ARID5B: variants seen among roughly 807,000 people sequenced by gnomAD.
ARID5B encodes the protein AT-rich interaction domain 5B.
A neutral mutation model predicts 97.2 loss-of-function variants in ARID5B; 13 were observed. The ratio of observed to expected loss-of-function variants is 0.13; its 90% confidence interval spans 0.09 to 0.21. The LOEUF is 0.21. ARID5B is among the 10% of genes least tolerant of loss of function. ARID5B has a pLI of 1.00. For missense variants in ARID5B, 1,210 were observed against 1,465.3 expected, an observed-to-expected ratio of 0.83 and a Z score of 2.84; for synonymous variants, 556 against 570.3, an observed-to-expected ratio of 0.97 and a Z score of 0.36.
chr10:61,934,668 C>T (rs1844266511), intron 2 of ARID5B, among the ~76,000 whole-genome samples: 1 of 152,062 alleles, frequency 6.6e-6, no homozygotes, highest in Admixed American at 6.6e-5. Context: ...AGTTTGCCAC[C>T]TTATATCTGC....
chr10:61,919,368 C>T (rs1474459753), intron 2 of ARID5B, among the ~76,000 whole-genome samples: 4 of 152,158 alleles, frequency 2.6e-5, no homozygotes, highest in Admixed American at 6.5e-5. Flanking sequence ...TCCACCCCAC[C>T]GTCTTCCTCA....
chr10:61,955,780 A>G (rs1162621751), intron 3 of ARID5B, among the ~76,000 whole-genome samples: 1 of 152,012 alleles, frequency 6.6e-6, no homozygotes, highest in African/African-American at 2.4e-5. Flanking sequence ...CCTCTTGAGT[A>G]GCTGGGATTA....
intron 4 of ARID5B, among the ~76,000 whole-genome samples, chr10:62,005,764 GA>G (rs1839137710): frequency 6.6e-6 from 1 of 152,216 alleles, no homozygotes; most frequent in African/African-American, 2.4e-5. Flanking sequence ...GGATGAGCTG[GA>G]CTCTGCCTCT....
At position 62,091,906 on chromosome 10, in the gene ARID5B, G is replaced by C; in HGVS notation, c.2443G>C (p.Glu815Gln). 2 of 1,614,070 alleles carry C rather than the reference G, an allele frequency of 1.2e-6. No individual in the cohort carries two copies. The highest frequency in any genetic ancestry group is 1.7e-6 in the Non-Finnish European group (2 of 1,180,006). The part of the protein sequence containing the change: ...EIQEGKDKLL[E>Q]KRALPHSHMP... Reference sequence around the variant, plus strand: ...TCAGGAGGGCAAGGATAAACTCTTAGAGAAAAGGGCCCTCCCCCATTCCCA... The same window carrying C: ...TCAGGAGGGCAAGGATAAACTCTTACAGAAAAGGGCCCTCCCCCATTCCCA... The change falls in exon 10 of 10, where the codon GAG (glutamate) becomes CAG (glutamine). Residue 815 changes from glutamate to glutamine, a missense_variant. Physicochemically the swap from Glu to Gln is conservative, Grantham distance 29. Around this residue, in one of 8 missense-constraint regions of ARID5B, gnomAD observed 800 missense variants for 839.1 expected, o/e 0.95. Coordinates refer to ENST00000279873, the MANE Select transcript of ARID5B (RefSeq NM_032199.3).
At chr10:61,935,875 G>A (rs367924304) in intron 2 of ARID5B, among the ~76,000 whole-genome samples, 79 of 152,258 alleles carry the variant, frequency 5.2e-4, no homozygotes, top group Middle Eastern at 3.4e-3. Flanking sequence ...TTACTGTCTA[G>A]CTTTATATAG....
At chr10:62,070,369 C>T (rs1340291746) in intron 8 of ARID5B, among the ~76,000 whole-genome samples, 5 of 152,142 alleles carry the variant, frequency 3.3e-5, no homozygotes, top group African/African-American at 1.2e-4. Context: ...CAAAATTAGC[C>T]TACTATGTTG....
intron 2 of ARID5B, among the ~76,000 whole-genome samples, chr10:61,938,970 T>C (rs957874131): frequency 6.8e-6 from 1 of 146,092 alleles, no homozygotes; most frequent in Non-Finnish European, 1.5e-5. Flanking sequence ...GAGAAGTGTG[T>C]GTGTGTGTGT....
At position 61,954,061 on chromosome 10, in the gene ARID5B, A is replaced by T. The variant is rs192390221; in HGVS notation, c.502+13653A>T. On this transcript the variant is annotated intron_variant, in intron 3 of 9. Transcript: ENST00000279873. ...TTTTGAAGTTTTTAATGTGATTTTT[A>T]AAAAATATAAATTTCAGCCGGGCAC... is the stretch of plus-strand genomic sequence containing the variant. Among the ~76,000 whole-genome samples the T allele has an allele frequency of 3.4e-3, 520 of 152,242 alleles. 1 individual carries two copies. Among genetic ancestry groups the T allele is most frequent in the South Asian group, 0.01 (50 of 4,828 alleles).
intron 4 of ARID5B, among the ~76,000 whole-genome samples, chr10:62,045,643 G>T (rs1839698109): frequency 6.6e-6 from 1 of 151,940 alleles, no homozygotes; most frequent in East Asian, 1.9e-4. Flanking sequence ...TAGAGACAGG[G>T]TTTCACTATG....
At chr10:62,024,599 A>T (rs946718263) in intron 4 of ARID5B, 7 of 386,628 alleles carry the variant, frequency 1.8e-5, no homozygotes, top group African/African-American at 1.4e-4. Flanking sequence ...CTTTGAACAG[A>T]TAAGAAGCTA....
chr10:61,993,376 A>G (rs1325375194), intron 3 of ARID5B, among the ~76,000 whole-genome samples: 1 of 152,204 alleles, frequency 6.6e-6, no homozygotes, highest in East Asian at 1.9e-4. Context: ...AATTCAAGCT[A>G]TTTAGTCATA....
At chr10:62,024,064 C>CAG (rs1839388961) in intron 4 of ARID5B, among the ~76,000 whole-genome samples, 1 of 152,208 alleles carries the variant, frequency 6.6e-6, no homozygotes, top group Admixed American at 6.5e-5. Context: ...CCTCTCAGCA[C>CAG]AGAGTGCCTT....
chr10:61,919,168 G>C (rs1843965639), intron 2 of ARID5B, among the ~76,000 whole-genome samples: 2 of 151,622 alleles, frequency 1.3e-5, no homozygotes, highest in Non-Finnish European at 2.9e-5. Context: ...TTTGATCTAA[G>C]TGCCCCACCC....
At chr10:62,045,885 C>T (rs1423666388) in intron 4 of ARID5B, among the ~76,000 whole-genome samples, 5 of 152,174 alleles carry the variant, frequency 3.3e-5, no homozygotes, top group Non-Finnish European at 7.3e-5. Context: ...TTTTCTGGCT[C>T]GTGTTTAAAA....
intron 2 of ARID5B, among the ~76,000 whole-genome samples, chr10:61,932,063 G>C (rs1354344824): frequency 6.6e-6 from 1 of 152,182 alleles, no homozygotes; most frequent in South Asian, 2.1e-4. Context: ...GCATACCTTA[G>C]AGATAATGCA....
At chr10:62,058,857 C>T (rs755330656) in intron 6 of ARID5B, among the ~76,000 whole-genome samples, 49 of 152,138 alleles carry the variant, frequency 3.2e-4, no homozygotes, top group Non-Finnish European at 6.2e-4. Context: ...GAGAGAAGCT[C>T]TATATATTAC....
intron 7 of ARID5B, among the ~76,000 whole-genome samples, chr10:62,059,600 A>G (rs758353155): frequency 3.9e-5 from 6 of 152,226 alleles, no homozygotes; most frequent in Admixed American, 6.5e-5. Flanking sequence ...CAACAAGCCA[A>G]GATTGCATAA....
chr10:61,909,186 G>A (rs1843756771), intron 2 of ARID5B, among the ~76,000 whole-genome samples: 1 of 152,040 alleles, frequency 6.6e-6, no homozygotes, highest in African/African-American at 2.4e-5. Flanking sequence ...GTGCCTTATA[G>A]TTATCTGTGT....
chr10:61,935,848 A>AT (rs1239844270), intron 2 of ARID5B, among the ~76,000 whole-genome samples: 2 of 152,250 alleles, frequency 1.3e-5, no homozygotes, highest in Non-Finnish European at 2.9e-5. Context: ...ATTGTTTTAC[A>AT]TTTTTTGTAA....
Sources: gnomAD v4.1 joint callset for allele counts (sites outside exome capture counted in the v4.1 genomes callset) on GRCh38, gnomAD v4.1.1 for gene constraint, gnomAD v4.1.1 regional missense constraint, MANE v1.5 for transcripts, NCBI Gene and HGNC (gene_info 2026-07-23, HGNC 2026-07-21) for gene names.